The following MAGI1 variants were observed in gnomAD, a reference collection of about 807,000 sequenced individuals.
MAGI1 encodes membrane-associated guanylate kinase, WW and PDZ domain-containing protein 1.
Under a neutral mutation model 139.9 loss-of-function variants are expected in MAGI1, and 58 were observed. That is an observed-to-expected ratio of 0.41 (90% CI 0.34 to 0.52). The LOEUF (loss-of-function observed/expected upper bound fraction) is 0.52. Among genes scored for constraint, MAGI1 ranks in the 20% least tolerant of loss-of-function variants. The probability of loss-of-function intolerance (pLI) is 0.12; values close to 1 mark genes in which losing one functional copy is unlikely to be tolerated. For missense variants in MAGI1, 1,874 were observed against 1,901.6 expected (o/e 0.99, Z 0.27); for synonymous variants, 812 against 737.9 (o/e 1.10, Z -1.63).
chr3:65,966,724 C>G (rs146797245), intron 1 of MAGI1, among the ~76,000 whole-genome samples: 1 of 152,200 alleles, frequency 6.6e-6, no homozygotes, highest in Non-Finnish European at 1.5e-5. Context: ...GCTTGTTCAT[C>G]TGCAAGTGGG....
intron 2 of MAGI1, among the ~76,000 whole-genome samples, chr3:65,576,360 A>C (rs1228500413): frequency 6.6e-6 from 1 of 152,178 alleles, no homozygotes; most frequent in Non-Finnish European, 1.5e-5. Context: ...CATTAGCATG[A>C]AATTAGTGGT....
At chr3:65,587,832 C>G (rs1161517118) in intron 2 of MAGI1, among the ~76,000 whole-genome samples, 2 of 152,150 alleles carry the variant, frequency 1.3e-5, no homozygotes, top group Non-Finnish European at 1.5e-5. Context: ...GACCGACCAG[C>G]TGTATTAACC....
intron 1 of MAGI1, among the ~76,000 whole-genome samples, chr3:65,780,093 G>A (rs2038809830): frequency 6.6e-6 from 1 of 152,038 alleles, no homozygotes; most frequent in Non-Finnish European, 1.5e-5. Flanking sequence ...TGCAATTACG[G>A]CTCACTGCAG....
chr3:65,991,652 T>A (rs2066178633), intron 1 of MAGI1, among the ~76,000 whole-genome samples: 1 of 152,208 alleles, frequency 6.6e-6, no homozygotes, highest in African/African-American at 2.4e-5. Context: ...ACTGACCAAA[T>A]ATGAGTTTTG....
chr3:65,997,451 T>A (rs1560095431), intron 1 of MAGI1, among the ~76,000 whole-genome samples: 1 of 151,810 alleles, frequency 6.6e-6, no homozygotes, highest in African/African-American at 2.4e-5. Flanking sequence ...GGTCAAGAGA[T>A]CAAGACCTTC....
chr3:65,875,259 A>G lies in MAGI1; in HGVS notation c.313+162737T>C, dbSNP rs140129783. ...TTGGGGGTAGGGGAGTGATACAGAA[A>G]AGGTAAAGGGTTTGTTGTTGAGATG... is the stretch of plus-strand genomic sequence containing the variant. On this transcript the variant is annotated intron_variant, in intron 1 of 22. Transcript: ENST00000402939. Among the ~76,000 whole-genome samples, 327 of 152,268 alleles carry G rather than the reference A, an allele frequency of 2.1e-3. 4 individuals carry two copies. Among genetic ancestry groups the G allele is most frequent in the Admixed American group, 5.1e-3 (78 of 15,284 alleles).
intron 2 of MAGI1, among the ~76,000 whole-genome samples, chr3:65,511,712 T>A (rs2077604816): frequency 6.7e-6 from 1 of 149,920 alleles, no homozygotes; most frequent in East Asian, 2.0e-4. Flanking sequence ...AATGGGAGAC[T>A]TTAACACCCC....
intron 10 of MAGI1, among the ~76,000 whole-genome samples, chr3:65,436,660 T>A (rs1273834999): frequency 6.6e-6 from 1 of 152,186 alleles, no homozygotes; most frequent in Non-Finnish European, 1.5e-5. Flanking sequence ...TTCAGATTTA[T>A]CTTTTTTAAC....
intron 2 of MAGI1, among the ~76,000 whole-genome samples, chr3:65,528,921 T>A (rs544257383): frequency 1.3e-5 from 2 of 152,110 alleles, no homozygotes; most frequent in Non-Finnish European, 1.5e-5. Flanking sequence ...GTGGCACACA[T>A]CTCTAGTCTC....
intron 1 of MAGI1, among the ~76,000 whole-genome samples, chr3:65,708,978 G>C (rs987691878): frequency 2.0e-5 from 3 of 152,206 alleles, no homozygotes; most frequent in Admixed American, 1.3e-4. Context: ...GGGGCAAACT[G>C]AGGTTTTATA....
intron 5 of MAGI1, among the ~76,000 whole-genome samples, chr3:65,461,376 C>G (rs937955397): frequency 1.3e-5 from 2 of 151,856 alleles, no homozygotes; most frequent in Non-Finnish European, 1.5e-5. Flanking sequence ...CCAATACACC[C>G]GCCTAGTTTT....
chr3:65,743,755 G>C (rs779565040), intron 1 of MAGI1, among the ~76,000 whole-genome samples: 4 of 151,540 alleles, frequency 2.6e-5, no homozygotes, highest in Non-Finnish European at 5.9e-5. Context: ...TGTCACTAAG[G>C]GTTTTGTTAA....
chr3:65,859,109 G>A (rs2059461519), intron 1 of MAGI1, among the ~76,000 whole-genome samples: 1 of 152,148 alleles, frequency 6.6e-6, no homozygotes, highest in Non-Finnish European at 1.5e-5. Flanking sequence ...GAGGTGTGCA[G>A]ATCACTTGCG....
chr3:65,805,331 G>GA (rs1355624067), intron 1 of MAGI1, among the ~76,000 whole-genome samples: 3 of 152,138 alleles, frequency 2.0e-5, no homozygotes, highest in Non-Finnish European at 4.4e-5. Flanking sequence ...ACAAACGTAT[G>GA]AAAAAAAGCT....
At chr3:65,463,270 T>C (rs112139693) in intron 5 of MAGI1, among the ~76,000 whole-genome samples, 2,212 of 152,308 alleles carry the variant, frequency 0.015, 55 homozygotes, top group African/African-American at 0.05. Flanking sequence ...TTTTGAGATA[T>C]GTTCCAACAA....
At chr3:65,533,077 G>A (rs1239573916) in intron 2 of MAGI1, among the ~76,000 whole-genome samples, 3 of 152,134 alleles carry the variant, frequency 2.0e-5, no homozygotes, top group Non-Finnish European at 4.4e-5. Context: ...CTGTAGCCCC[G>A]CACACTTAGA....
At chr3:65,886,448 A>T (rs1444925510) in intron 1 of MAGI1, among the ~76,000 whole-genome samples, 2 of 152,192 alleles carry the variant, frequency 1.3e-5, no homozygotes, top group Admixed American at 6.5e-5. Context: ...TACCTCCAAA[A>T]ATACATTCTC....
At chr3:65,369,995 G>A (rs1005906698) in intron 18 of MAGI1, among the ~76,000 whole-genome samples, 2 of 152,138 alleles carry the variant, frequency 1.3e-5, no homozygotes, top group Non-Finnish European at 2.9e-5. Context: ...TGTCCAACAC[G>A]CTTTCACAGA....
intron 1 of MAGI1, among the ~76,000 whole-genome samples, chr3:65,641,421 T>C (rs1324565978): frequency 6.6e-6 from 1 of 152,188 alleles, no homozygotes; most frequent in African/African-American, 2.4e-5. Flanking sequence ...GGACTAGGCA[T>C]CGGTATTTTT....
Sources: allele counts gnomAD v4.1 joint callset (sites outside exome capture counted in the v4.1 genomes callset), GRCh38; gene constraint gnomAD v4.1.1; transcripts MANE v1.5; gene names NCBI Gene and HGNC (gene_info 2026-07-23, HGNC 2026-07-21).